The following CCDC7 variants were observed in gnomAD, a reference collection of about 807,000 sequenced individuals.
CCDC7 encodes coiled-coil domain-containing protein 7.
A neutral mutation model predicts 196.9 loss-of-function variants in CCDC7; 183 were observed. The ratio of observed to expected loss-of-function variants is 0.93; its 90% CI spans 0.82 to 1.05. The LOEUF is 1.05. Among genes scored for constraint, CCDC7 ranks in the 50% least tolerant of loss-of-function variants. The probability of loss-of-function intolerance (pLI) is 0.00; values close to 1 mark genes in which losing one functional copy is unlikely to be tolerated. For missense variants in CCDC7, 1,540 were observed against 1,482.2 expected (o/e 1.04, Z -0.64); for synonymous variants, 525 against 484.6 (o/e 1.08, Z -1.10).
intron 11 of CCDC7, among the ~76,000 whole-genome samples, chr10:32,543,088 T>C (rs2051777408): frequency 6.6e-6 from 1 of 152,192 alleles, no homozygotes; most frequent in Non-Finnish European, 1.5e-5. Flanking sequence ...TTTTAATATG[T>C]ATTAGGTTAT....
intron 8 of CCDC7, among the ~76,000 whole-genome samples, chr10:32,481,247 T>A (rs759312870): frequency 6.6e-6 from 1 of 152,168 alleles, no homozygotes; most frequent in East Asian, 1.9e-4. Flanking sequence ...CTTGTTTTTT[T>A]ATTCATTCAG....
chr10:32,503,171 C>T (rs1236025944), intron 9 of CCDC7, among the ~76,000 whole-genome samples: 1 of 152,078 alleles, frequency 6.6e-6, no homozygotes, highest in Admixed American at 6.5e-5. Flanking sequence ...CTGGCTTGGA[C>T]TTCTAGTACT....
At chr10:32,582,224 A>T (rs976501528) in intron 16 of CCDC7, among the ~76,000 whole-genome samples, 1 of 150,110 alleles carries the variant, frequency 6.7e-6, no homozygotes, top group Non-Finnish European at 1.5e-5. Context: ...TTCTAAACTA[A>T]CAAACGTAGG....
At chr10:32,880,437 A>T (rs1469464369), downstream of CCDC7, among the ~76,000 whole-genome samples, 10 of 152,018 alleles carry the variant, frequency 6.6e-5, no homozygotes, top group Admixed American at 6.6e-4. Context: ...TAGATTCTTT[A>T]TGTTAGACCT....
rs190765370 is a variant in CCDC7, at chr10:32,725,838, C to T, written c.2570-896C>T. Among the ~76,000 whole-genome samples, 359 of 152,248 alleles carry T rather than the reference C, an allele frequency of 2.4e-3. 1 individual carries two copies. The highest frequency in any genetic ancestry group is 3.1e-3 in the Non-Finnish European group (208 of 67,988). On this transcript the variant is annotated intron_variant, in intron 25 of 41. Transcript: ENST00000639629. ...TCTGCCCCCATGACCCAAACACCTC[C>T]CACCAGGCAATACCTCCAACCTTAG...
chr10:32,663,612 AT>A (rs777641895), intron 20 of CCDC7, among the ~76,000 whole-genome samples: 19 of 152,286 alleles, frequency 1.2e-4, no homozygotes, highest in Admixed American at 5.2e-4. Context: ...AACTCTTTGT[AT>A]CATATTAAAT....
At chr10:32,823,607 A>G (rs2090622992) in intron 31 of CCDC7, among the ~76,000 whole-genome samples, 1 of 152,218 alleles carries the variant, frequency 6.6e-6, no homozygotes, top group South Asian at 2.1e-4. Flanking sequence ...GGATCATTAC[A>G]GGTGTCCAAC....
chr10:32,800,924 G>A (rs1384050989), intron 29 of CCDC7, among the ~76,000 whole-genome samples: 1 of 152,210 alleles, frequency 6.6e-6, no homozygotes, highest in Non-Finnish European at 1.5e-5. Flanking sequence ...GAAACACCGT[G>A]ATTAATTAGC....
intron 28 of CCDC7, among the ~76,000 whole-genome samples, chr10:32,747,427 A>C (rs1311299841): frequency 6.6e-6 from 1 of 152,184 alleles, no homozygotes; most frequent in Non-Finnish European, 1.5e-5. Context: ...GAGTAAAGAG[A>C]CGACCTATAG....
At chr10:32,831,270 A>G (rs1403135590) in intron 32 of CCDC7, among the ~76,000 whole-genome samples, 1 of 151,722 alleles carries the variant, frequency 6.6e-6, no homozygotes, top group East Asian at 2.0e-4. Context: ...AGCACTTACC[A>G]TGAGTAGAGC....
At chr10:32,597,690 A>T (rs775306694) in intron 18 of CCDC7, among the ~76,000 whole-genome samples, 17 of 152,192 alleles carry the variant, frequency 1.1e-4, no homozygotes, top group Admixed American at 8.5e-4. Context: ...GCTGACGCAC[A>T]GATGGGGTTT....
intron 8 of CCDC7, 126 bp from the exon 10 acceptor site, chr10:32,491,796 T>C (rs943231462): frequency 8.7e-6 from 7 of 801,372 alleles, no homozygotes; most frequent in Non-Finnish European, 1.2e-5. Context: ...TTAATAGTCA[T>C]GTAGCCCATG....
intron 13 of CCDC7, among the ~76,000 whole-genome samples, chr10:32,559,267 C>T (rs1034724941): frequency 6.6e-5 from 10 of 152,258 alleles, no homozygotes; most frequent in Admixed American, 2.0e-4. Context: ...AAAAAGACAG[C>T]AGTAACCTCT....
chr10:32,655,661 G>C (rs886958485), intron 20 of CCDC7, among the ~76,000 whole-genome samples: 3 of 151,976 alleles, frequency 2.0e-5, no homozygotes, highest in African/African-American at 7.3e-5. Flanking sequence ...CAAGTAGCTG[G>C]AACTACTTGG....
At chr10:32,642,743 G>A (rs117897593) in intron 20 of CCDC7, among the ~76,000 whole-genome samples, 5,924 of 152,238 alleles carry the variant, frequency 0.039, 123 homozygotes, top group Middle Eastern at 0.051. Context: ...CGTCTTCTGC[G>A]TCACTCACAC....
At chr10:32,843,006 G>A (rs2093066639) in intron 33 of CCDC7, among the ~76,000 whole-genome samples, 1 of 151,150 alleles carries the variant, frequency 6.6e-6, no homozygotes, top group Non-Finnish European at 1.5e-5. Context: ...TCAGGTGATG[G>A]GTGCCCCAAA....
intron 25 of CCDC7, among the ~76,000 whole-genome samples, chr10:32,717,590 T>G (rs776076831): frequency 6.6e-6 from 1 of 151,098 alleles, no homozygotes; most frequent in Non-Finnish European, 1.5e-5. Flanking sequence ...ATTCAGGAGC[T>G]GTTTTTTTGA....
exon 11 of CCDC7, chr10:32,518,444 A>G: frequency 6.2e-7 from 1 of 1,605,168 alleles, no homozygotes; most frequent in Non-Finnish European, 8.5e-7. Context: ...TGTGATTTTC[A>G]GTTGTTATCA....
At chr10:32,695,447 A>G (rs1250972320) in intron 24 of CCDC7, among the ~76,000 whole-genome samples, 1 of 152,236 alleles carries the variant, frequency 6.6e-6, no homozygotes, top group Non-Finnish European at 1.5e-5. Flanking sequence ...GGGTCTCCAG[A>G]ACATCCTGTC....
Sources: allele counts gnomAD v4.1 joint callset (sites outside exome capture counted in the v4.1 genomes callset), GRCh38; gene constraint gnomAD v4.1.1; transcripts MANE v1.5; gene names NCBI Gene and HGNC (gene_info 2026-07-23, HGNC 2026-07-21).